The following OSBPL2 variants were observed in gnomAD, a reference collection of about 807,000 sequenced individuals.
OSBPL2 encodes oxysterol binding protein like 2.
In OSBPL2, 18 loss-of-function variants were observed where a neutral mutation model predicts 58.4. That is an observed-to-expected ratio of 0.31 (90% CI 0.21 to 0.46). The LOEUF (loss-of-function observed/expected upper bound fraction) is 0.46. OSBPL2 is among the 20% of genes least tolerant of loss of function. The probability of loss-of-function intolerance (pLI) is 1.00; values close to 1 mark genes in which losing one functional copy is unlikely to be tolerated. For synonymous variants in OSBPL2, 221 were observed against 234.1 expected, an observed-to-expected ratio of 0.94 and a Z score of 0.51; for missense variants, 461 against 616.5, an observed-to-expected ratio of 0.75 and a Z score of 2.67.
intron 13 of OSBPL2, among the ~76,000 whole-genome samples, chr20:62,292,400 G>A (rs554017980): frequency 5.3e-5 from 8 of 152,198 alleles, no homozygotes; most frequent in African/African-American, 7.2e-5. Context: ...ATTAAATCCC[G>A]TGTGCTGTGC....
At chr20:62,274,124 C>T (rs57615301) in intron 6 of OSBPL2, among the ~76,000 whole-genome samples, 228 of 152,330 alleles carry the variant, frequency 1.5e-3, no homozygotes, top group African/African-American at 5.0e-3. Flanking sequence ...GCCCCAGATC[C>T]GTTGTTTGTG....
intron 1 of OSBPL2, among the ~76,000 whole-genome samples, chr20:62,240,390 A>G (rs6089701): frequency 0.37 from 55,860 of 152,076 alleles, 12,091 homozygotes; most frequent in East Asian, 0.52. Flanking sequence ...CTCTTACCCC[A>G]GCAGACGATA....
At chr20:62,282,188 C>T (rs772455103) in intron 9 of OSBPL2, 66 of 228,850 alleles carry the variant, frequency 2.9e-4, no homozygotes, top group Non-Finnish European at 5.7e-4. Context: ...GGGACTGTTT[C>T]GCAGCAGAGC....
At chr20:62,248,171 T>TTTTG (rs1980273772) in intron 1 of OSBPL2, among the ~76,000 whole-genome samples, 5 of 75,056 alleles carry the variant, frequency 6.7e-5, no homozygotes, top group African/African-American at 2.1e-4. Context: ...TTTTTTTTTT[T>TTTTG]TGTGACAGGG....
intron 1 of OSBPL2, among the ~76,000 whole-genome samples, chr20:62,250,440 C>T (rs1196860124): frequency 6.6e-6 from 1 of 152,140 alleles, no homozygotes; most frequent in African/African-American, 2.4e-5. Context: ...AAAGCCCTCC[C>T]CAGGTGGGTC....
chr20:62,273,533 C>T (rs1982200910), intron 6 of OSBPL2, 127 bp downstream of exon 6: 3 of 791,244 alleles, frequency 3.8e-6, no homozygotes, highest in East Asian at 2.7e-5. Context: ...TAAGAGCTCA[C>T]GAAAGCGTTT....
chr20:62,279,549 G>GC (rs1197927782), intron 7 of OSBPL2: 1 of 570,404 alleles, frequency 1.8e-6, no homozygotes, highest in Non-Finnish European at 3.1e-6. Flanking sequence ...GTTGGAATTC[G>GC]CCCCCCTTTC....
intron 4 of OSBPL2, among the ~76,000 whole-genome samples, chr20:62,265,540 C>T (rs1273330884): frequency 6.6e-6 from 1 of 152,220 alleles, no homozygotes; most frequent in Non-Finnish European, 1.5e-5. Context: ...AAACCACAAT[C>T]CAGTGCTGGG....
intron 7 of OSBPL2, chr20:62,279,811 T>A (rs1262223114): frequency 2.1e-5 from 8 of 375,114 alleles, no homozygotes; most frequent in Non-Finnish European, 2.9e-5. Flanking sequence ...CTGGGCTGCT[T>A]GCTGCAGGGC....
intron 1 of OSBPL2, among the ~76,000 whole-genome samples, chr20:62,254,503 G>T (rs1000343625): frequency 6.6e-6 from 1 of 152,252 alleles, no homozygotes; most frequent in Non-Finnish European, 1.5e-5. Context: ...CCGCAGTCTG[G>T]CTGGGAAGGA....
In OSBPL2 at chr20:62,296,023, G is replaced by A. The variant is rs1180872930; in HGVS notation, c.*2136G>A. The A allele has an allele frequency of 6.6e-6, 1 of 152,246 alleles. No homozygotes were observed. Among genetic ancestry groups the A allele is most frequent in the Non-Finnish European group, 1.5e-5 (1 of 68,038 alleles). The allele number at this position is 152,246 out of a possible 1,614,324, so 9.4% of individuals were successfully genotyped here. On this transcript the variant is annotated 3_prime_UTR_variant, in exon 14 of 14. Transcript: ENST00000313733. ...AGAGGTGGAGGAAGAACGGTAGGAA[G>A]GCTGATGGCAAAAGCGGCTGTGTGT...
rs755262189 is a variant in OSBPL2, at chr20:62,273,260, G to A, written c.394-49G>A. 12 of 1,451,574 alleles carry A rather than the reference G, an allele frequency of 8.3e-6. 1 individual carries two copies. Among genetic ancestry groups the A allele is most frequent in the South Asian group, 5.9e-5 (5 of 84,954 alleles). The allele number at this position is 1,451,574 out of a possible 1,614,324, so 89.9% of individuals were successfully genotyped here. A position where few individuals can be genotyped will look rare whatever the true frequency, so the allele number is the denominator to read the frequency against. On this transcript the variant is annotated intron_variant, in intron 5 of 13. Coordinates refer to ENST00000313733, the MANE Select transcript of OSBPL2 (RefSeq NM_144498.4). ...TCCACAAGAGGCCATCTTCTCCAGC[G>A]CGTTTCCTAACTGAAGCTGTGCCTG... is the stretch of plus-strand genomic sequence containing the variant.
In OSBPL2 at chr20:62,291,813, C is replaced by G; in HGVS notation, c.1340+20C>G. 1 of 1,605,946 alleles carries G rather than the reference C, an allele frequency of 6.2e-7. No homozygotes were observed. Among genetic ancestry groups the G allele is most frequent in the Non-Finnish European group, 8.5e-7 (1 of 1,174,218 alleles). On this transcript the variant is annotated intron_variant, in intron 13 of 13. Coordinates refer to ENST00000313733, the MANE Select transcript of OSBPL2 (RefSeq NM_144498.4). The stretch of plus-strand genomic sequence containing the variant: ...GACGAGGTGAGTACTGTGGTAGCCA[C>G]GCAGGCTGGGGCAGCGGGGAGGCCC...
chr20:62,266,594 T>G (rs967554251), intron 4 of OSBPL2, among the ~76,000 whole-genome samples: 1 of 152,098 alleles, frequency 6.6e-6, no homozygotes, highest in African/African-American at 2.4e-5. Flanking sequence ...TCGTTCTGGA[T>G]CCGCAGTGAT....
intron 4 of OSBPL2, among the ~76,000 whole-genome samples, chr20:62,270,153 G>C (rs76342360): frequency 1.1e-3 from 172 of 152,350 alleles, no homozygotes; most frequent in African/African-American, 4.1e-3. Flanking sequence ...TGCAGTGCCT[G>C]TGGTGTCCTG....
At chr20:62,281,729 A>G in intron 8 of OSBPL2, 61 bp from the exon 9 acceptor site, 1 of 1,300,474 alleles carries the variant, frequency 7.7e-7, no homozygotes, top group Non-Finnish European at 1.1e-6. Context: ...CCTGTTACAG[A>G]GTTACCCTTT....
chr20:62,259,212 A>C (rs1157750312), intron 2 of OSBPL2: 1 of 152,262 alleles, frequency 6.6e-6, no homozygotes, highest in African/African-American at 2.4e-5. Context: ...CCGGCTCTGG[A>C]GCAGAACTTG....
At chr20:62,285,818 A>G (rs1026636861) in intron 10 of OSBPL2, 3 of 152,416 alleles carry the variant, frequency 2.0e-5, no homozygotes, top group African/African-American at 7.3e-5. Context: ...CACGAAGGGA[A>G]ACGCCTGGCC....
chr20:62,281,229 G>C, intron 8 of OSBPL2, 64 bp downstream of exon 8: 2 of 1,202,336 alleles, frequency 1.7e-6, no homozygotes, highest in East Asian at 2.4e-5. Context: ...GAGCCGGGGA[G>C]CGTGAGCATC....
Sources: gnomAD v4.1 joint callset for allele counts (sites outside exome capture counted in the v4.1 genomes callset) on GRCh38, gnomAD v4.1.1 for gene constraint, MANE v1.5 for transcripts, NCBI Gene and HGNC (gene_info 2026-07-23, HGNC 2026-07-21) for gene names.